Variants in EHD4 observed in about 807,000 individuals in gnomAD.
EHD4 encodes the protein EH domain-containing protein 4.
Under a neutral mutation model 51.0 loss-of-function variants are expected in EHD4, and 37 were observed. The ratio of observed to expected loss-of-function variants is 0.73; its 90% confidence interval spans 0.56 to 0.95. EHD4 has a LOEUF of 0.95. Among genes scored for constraint, EHD4 ranks in the 40% least tolerant of loss-of-function variants. The probability of loss-of-function intolerance (pLI) is 0.00; values close to 1 mark genes in which losing one functional copy is unlikely to be tolerated. For synonymous variants in EHD4, 297 were observed against 317.3 expected, an observed-to-expected ratio of 0.94 and a Z score of 0.68; for missense variants, 632 against 733.1, an observed-to-expected ratio of 0.86 and a Z score of 1.59.
chr15:41,943,611 C>G (rs974223479), intron 2 of EHD4, among the ~76,000 whole-genome samples: 2 of 152,220 alleles, frequency 1.3e-5, no homozygotes, highest in Admixed American at 1.3e-4. Context: ...CAAGGTCAGC[C>G]TGCCTCCAAA....
At position 41,972,499 on chromosome 15, in the gene EHD4, C is replaced by T. The variant is rs1008362756; in HGVS notation, c.-5G>A. On this transcript the variant is annotated 5_prime_UTR_variant, in exon 1 of 6. Coordinates refer to ENST00000220325, the MANE Select transcript of EHD4 (RefSeq NM_139265.4). ...CCGCCCCATCCAGCTGAACATCCTG[C>T]CGCCAGTCCACGCTCGGATGGGACC... The T allele has an allele frequency of 1.7e-5, 26 of 1,508,458 alleles. No individual in the cohort carries two copies. Among genetic ancestry groups the T allele is most frequent in the Non-Finnish European group, 2.3e-5 (26 of 1,131,758 alleles). The allele number at this position is 1,508,458 out of a possible 1,614,324, so 93.4% of individuals were successfully genotyped here. A position where few individuals can be genotyped will look rare whatever the true frequency, so the allele number is the denominator to read the frequency against.
At chr15:41,939,880 T>C (rs758340931) in intron 3 of EHD4, among the ~76,000 whole-genome samples, 3 of 151,628 alleles carry the variant, frequency 2.0e-5, no homozygotes, top group African/African-American at 7.3e-5. Flanking sequence ...TACGGAGTAG[T>C]ATACTAAAAA....
chr15:41,902,973 G>GA (rs2067487829), intron 5 of EHD4, among the ~76,000 whole-genome samples: 2 of 151,610 alleles, frequency 1.3e-5, no homozygotes, highest in Admixed American at 1.3e-4. Flanking sequence ...TCTAAGGAGA[G>GA]AAAACACTTG....
At chr15:41,905,777 C>T (rs985884391) in intron 5 of EHD4, among the ~76,000 whole-genome samples, 1 of 152,218 alleles carries the variant, frequency 6.6e-6, no homozygotes, top group Non-Finnish European at 1.5e-5. Flanking sequence ...TTAAGCCATC[C>T]TCCCACCTCA....
intron 5 of EHD4, among the ~76,000 whole-genome samples, chr15:41,906,031 G>GGAGGCAGAAAAATGCT (rs2067509933): frequency 6.6e-6 from 1 of 152,206 alleles, no homozygotes; most frequent in African/African-American, 2.4e-5. Flanking sequence ...GATAGCAGCA[G>GGAGGCAGAAAAATGCT]GAGGCAGAAA....
At chr15:41,966,958 T>C (rs1291781784) in intron 1 of EHD4, among the ~76,000 whole-genome samples, 1 of 152,198 alleles carries the variant, frequency 6.6e-6, no homozygotes, top group African/African-American at 2.4e-5. Flanking sequence ...GGCTACTAAA[T>C]GCTGACACTC....
At chr15:41,913,160 G>T (rs916460938) in intron 4 of EHD4, among the ~76,000 whole-genome samples, 2 of 152,200 alleles carry the variant, frequency 1.3e-5, no homozygotes, top group African/African-American at 4.8e-5. Flanking sequence ...GGTGAAGACT[G>T]CGAGCTGCTG....
chr15:41,964,750 T>A (rs1450545643), intron 1 of EHD4, among the ~76,000 whole-genome samples: 1 of 132,618 alleles, frequency 7.5e-6, no homozygotes, highest in African/African-American at 3.0e-5. Context: ...TAGGAATATA[T>A]ATAAGCCTGA....
At chr15:41,923,373 C>A (rs180985385) in intron 3 of EHD4, among the ~76,000 whole-genome samples, 1 of 152,262 alleles carries the variant, frequency 6.6e-6, no homozygotes, top group African/African-American at 2.4e-5. Flanking sequence ...AGGACTCAGG[C>A]GGCAAATACC....
At chr15:41,936,995 G>A (rs1638933933) in intron 3 of EHD4, among the ~76,000 whole-genome samples, 1 of 152,198 alleles carries the variant, frequency 6.6e-6, no homozygotes, top group East Asian at 1.9e-4. Flanking sequence ...TCAGGGCTGG[G>A]CCCCAGCCTC....
At chr15:41,940,505 A>C (rs1023617380) in intron 3 of EHD4, among the ~76,000 whole-genome samples, 4 of 152,218 alleles carry the variant, frequency 2.6e-5, no homozygotes, top group Non-Finnish European at 5.9e-5. Flanking sequence ...TTCCACCACC[A>C]GCTGCGCCCC....
At chr15:41,920,783 A>C (rs16972260) in intron 3 of EHD4, among the ~76,000 whole-genome samples, 2,802 of 152,336 alleles carry the variant, frequency 0.018, 75 homozygotes, top group African/African-American at 0.052. Context: ...TCCAGAAAAG[A>C]ACAAGAGTAA....
chr15:41,965,715 G>A (rs1164752138), intron 1 of EHD4, among the ~76,000 whole-genome samples: 1 of 152,226 alleles, frequency 6.6e-6, no homozygotes, highest in Non-Finnish European at 1.5e-5. Context: ...CTTCTGGTTC[G>A]AGGTTTTGAA....
intron 3 of EHD4, chr15:41,928,897 C>G (rs2067680401): frequency 6.6e-6 from 1 of 152,246 alleles, no homozygotes; most frequent in Non-Finnish European, 1.5e-5. Context: ...CCCAGCTGAC[C>G]AGATGCAGGG....
intron 2 of EHD4, among the ~76,000 whole-genome samples, chr15:41,945,184 T>A (rs947811030): frequency 1.4e-4 from 22 of 152,200 alleles, no homozygotes. Flanking sequence ...GAAACAATTT[T>A]CTGCAAACCA....
At position 41,953,761 on chromosome 15, in the gene EHD4, T is replaced by C; in HGVS notation, c.413+3A>G. 4 of 1,603,272 alleles carry C rather than the reference T, an allele frequency of 2.5e-6. No homozygotes were observed. Among genetic ancestry groups the C allele is most frequent in the Non-Finnish European group, 3.4e-6 (4 of 1,176,288 alleles). On this transcript the variant is annotated splice_donor_region_variant and intron_variant, in intron 2 of 5. Coordinates refer to ENST00000220325, the MANE Select transcript of EHD4 (RefSeq NM_139265.4). ...CCGAAGATGGCAGCTTGCTGGTCCT[T>C]ACCGATTCAGGAAAGCGTTTCCAAA...
At chr15:41,959,312 C>T (rs1230145130) in intron 1 of EHD4, among the ~76,000 whole-genome samples, 9 of 137,644 alleles carry the variant, frequency 6.5e-5, no homozygotes, top group Non-Finnish European at 1.1e-4. Flanking sequence ...AGGAGAATGG[C>T]GTGAACCCGG....
intron 5 of EHD4, among the ~76,000 whole-genome samples, chr15:41,903,964 C>T (rs2067495801): frequency 6.6e-6 from 1 of 152,100 alleles, no homozygotes; most frequent in African/African-American, 2.4e-5. Context: ...ATGCGGCCTG[C>T]ACTTCGGGCT....
At chr15:41,916,379 A>T (rs74853604) in intron 4 of EHD4, among the ~76,000 whole-genome samples, 3,371 of 152,302 alleles carry the variant, frequency 0.022, 139 homozygotes, top group African/African-American at 0.078. Context: ...CCTCGGGGAC[A>T]TAACTTCACC....
Sources: allele counts gnomAD v4.1 joint callset (sites outside exome capture counted in the v4.1 genomes callset), GRCh38; gene constraint gnomAD v4.1.1; transcripts MANE v1.5; gene names NCBI Gene and HGNC (gene_info 2026-07-23, HGNC 2026-07-21).